The following HNMT variants were observed in gnomAD, a reference collection of about 807,000 sequenced individuals.
HNMT encodes the protein histamine N-methyltransferase.
In HNMT, 30 loss-of-function variants were observed where a neutral mutation model predicts 32.1. That is an observed-to-expected ratio of 0.93 (90% CI 0.70 to 1.27). The LOEUF (loss-of-function observed/expected upper bound fraction) is 1.27, where lower values mean the gene tolerates loss of function less well. HNMT is among the 50% of genes most tolerant of loss of function. The pLI is 0.00. For synonymous variants in HNMT, 125 were observed against 119.0 expected (o/e 1.05, Z -0.33); for missense variants, 327 against 346.0 (o/e 0.95, Z 0.43).
intron 2 of HNMT, among the ~76,000 whole-genome samples, chr2:137,989,359 T>C (rs945775036): frequency 1.3e-5 from 2 of 152,230 alleles, no homozygotes; most frequent in Non-Finnish European, 2.9e-5. Context: ...TCCGTTCAGA[T>C]AGTAATATGC....
At chr2:137,971,420 C>T (rs1164630352) in intron 2 of HNMT, among the ~76,000 whole-genome samples, 2 of 152,156 alleles carry the variant, frequency 1.3e-5, no homozygotes, top group African/African-American at 4.8e-5. Context: ...CCTTGTGATC[C>T]ACTCACCTTG....
chr2:138,003,198 A>G (rs1477860034), intron 4 of HNMT, among the ~76,000 whole-genome samples: 2 of 151,182 alleles, frequency 1.3e-5, no homozygotes, highest in Non-Finnish European at 2.9e-5. Context: ...ACTAACCTGC[A>G]CATTGTGCAC....
chr2:137,982,536 A>G (rs574211817), intron 2 of HNMT, among the ~76,000 whole-genome samples: 10 of 152,360 alleles, frequency 6.6e-5, no homozygotes, highest in African/African-American at 2.2e-4. Flanking sequence ...ATTGAGATTT[A>G]CAGAGAAGGA....
intron 5 of HNMT, among the ~76,000 whole-genome samples, chr2:138,013,265 T>A (rs765300422): frequency 6.6e-6 from 1 of 152,056 alleles, no homozygotes; most frequent in Non-Finnish European, 1.5e-5. Context: ...GGTTTCCCAT[T>A]GGGCCCCAAG....
At chr2:137,985,864 C>T (rs1573656643) in intron 2 of HNMT, among the ~76,000 whole-genome samples, 1 of 152,052 alleles carries the variant, frequency 6.6e-6, no homozygotes. Flanking sequence ...TGTAAGAGAA[C>T]AACTTGCATT....
At chr2:137,969,636 G>A (rs955310883) in intron 1 of HNMT, among the ~76,000 whole-genome samples, 2 of 151,956 alleles carry the variant, frequency 1.3e-5, no homozygotes, top group South Asian at 4.2e-4. Context: ...TCTAGTACCT[G>A]AGTCATAATT....
Position 138,005,166 on chromosome 2 carries a change from T to C in HNMT, c.464T>C (p.Leu155Pro). 1 of 1,602,390 alleles carries C rather than the reference T, an allele frequency of 6.2e-7. No homozygotes were observed. The highest frequency in any genetic ancestry group is 8.5e-7 in the Non-Finnish European group (1 of 1,169,880). The change falls in exon 5 of 6, where the codon CTG becomes CCG. Residue 155 changes from leucine to proline, a missense_variant. By Grantham distance (98) the Leu-to-Pro change is moderately conservative (BLOSUM62 -3). Coordinates refer to ENST00000280097, the MANE Select transcript of HNMT (RefSeq NM_006895.3). The part of the protein sequence containing the change: ...LYYVKDIPAT[L>P]KFFHSLLGTN... ...TATGTAAAAGACATCCCAGCTACCC[T>C]GAAATTCTTCCATAGTCTCTTAGGT...
chr2:137,989,594 A>G (rs112506562), intron 2 of HNMT, among the ~76,000 whole-genome samples: 9 of 152,180 alleles, frequency 5.9e-5, no homozygotes, highest in African/African-American at 2.2e-4. Flanking sequence ...TAAGTTTTCA[A>G]CTCCTTTGGG....
At chr2:138,002,355 T>C (rs1681199930) in intron 4 of HNMT, 161 bp downstream of exon 4, 1 of 1,053,406 alleles carries the variant, frequency 9.5e-7, no homozygotes, top group Non-Finnish European at 1.2e-6. Flanking sequence ...TAAAGATGTT[T>C]ATTATACTAA....
In HNMT at chr2:138,014,117, TG is replaced by T; in HGVS notation, c.867del (p.Ile290LeufsTer46). ...VLFNNTLSFIVIEA is the reference protein window; with the variant it reads ...VLFNNTLSFIXIEA ...TTTAATAATACTCTGAGTTTCATAG[TG>T]ATTGAGGCATAACTATCAATCACAA... On this transcript the variant is annotated frameshift_variant, in exon 6 of 6. Transcript: ENST00000280097. LOFTEE classifies it high-confidence loss of function. 6.4e-7 allele frequency: 1 copy of T among 1,561,912 alleles called. No individual in the cohort carries two copies. The highest frequency in any genetic ancestry group is 8.7e-7 in the Non-Finnish European group (1 of 1,145,540).
intron 2 of HNMT, among the ~76,000 whole-genome samples, chr2:137,979,019 ATATAC>A (rs1382752931): frequency 7.0e-6 from 1 of 142,482 alleles, no homozygotes; most frequent in Non-Finnish European, 1.5e-5. Flanking sequence ...TTCTTATATA[ATATAC>A]TATATAGGCA....
At chr2:137,979,548 G>A (rs903711781) in intron 2 of HNMT, among the ~76,000 whole-genome samples, 5 of 151,666 alleles carry the variant, frequency 3.3e-5, no homozygotes, top group East Asian at 1.9e-4. Flanking sequence ...CACCACGCCC[G>A]GCCATACTTT....
intron 2 of HNMT, among the ~76,000 whole-genome samples, chr2:137,983,429 C>T (rs561438683): frequency 6.6e-6 from 1 of 151,938 alleles, no homozygotes; most frequent in South Asian, 2.1e-4. Context: ...TATTTTTATA[C>T]AATATACATA....
chr2:137,996,119 G>C (rs1211336482), intron 2 of HNMT, among the ~76,000 whole-genome samples: 1 of 152,156 alleles, frequency 6.6e-6, no homozygotes, highest in East Asian at 1.9e-4. Context: ...ACAAGACAAG[G>C]ATGTCCTCTC....
intron 5 of HNMT, among the ~76,000 whole-genome samples, chr2:138,005,996 T>C (rs923356712): frequency 2.6e-5 from 4 of 151,994 alleles, no homozygotes; most frequent in African/African-American, 9.7e-5. Context: ...TGTCACAAAA[T>C]TGACTTGTTC....
At chr2:137,980,703 A>G (rs1680467280) in intron 2 of HNMT, among the ~76,000 whole-genome samples, 1 of 152,188 alleles carries the variant, frequency 6.6e-6, no homozygotes, top group African/African-American at 2.4e-5. Flanking sequence ...CAGAAGACAC[A>G]TGAAAACAAA....
chr2:137,964,693 G>A, intron 1 of HNMT, 65 bp downstream of exon 1: 3 of 1,546,558 alleles, frequency 1.9e-6, no homozygotes, highest in Non-Finnish European at 2.7e-6. Context: ...AGTGATAGAT[G>A]GGTCTCGCTC....
intron 2 of HNMT, among the ~76,000 whole-genome samples, chr2:137,986,749 A>C (rs1680662097): frequency 6.6e-6 from 1 of 152,236 alleles, no homozygotes; most frequent in South Asian, 2.1e-4. Flanking sequence ...TTATAGATAA[A>C]AAAAGAGAAT....
intron 1 of HNMT, among the ~76,000 whole-genome samples, chr2:137,965,789 G>A (rs990587492): frequency 1.3e-5 from 2 of 152,110 alleles, no homozygotes; most frequent in East Asian, 3.9e-4. Flanking sequence ...AAAAGTATTT[G>A]CTCATGTCTG....
Sources: gnomAD v4.1 joint callset for allele counts (sites outside exome capture counted in the v4.1 genomes callset) on GRCh38, gnomAD v4.1.1 for gene constraint, MANE v1.5 for transcripts, NCBI Gene and HGNC (gene_info 2026-07-23, HGNC 2026-07-21) for gene names.